The following MFN1 variants were observed in gnomAD, a reference collection of about 807,000 sequenced individuals.
MFN1 encodes the protein mitofusin 1.
Under a neutral mutation model 92.4 loss-of-function variants are expected in MFN1, and 65 were observed. That is an observed-to-expected ratio of 0.70 (90% CI 0.58 to 0.86). The LOEUF (loss-of-function observed/expected upper bound fraction) is 0.86. MFN1 is among the 40% of genes least tolerant of loss of function. The pLI is 0.00. For synonymous variants in MFN1, 297 were observed against 300.9 expected, an observed-to-expected ratio of 0.99 and a Z score of 0.13; for missense variants, 781 against 868.0, an observed-to-expected ratio of 0.90 and a Z score of 1.26.
intron 3 of MFN1, among the ~76,000 whole-genome samples, chr3:179,355,382 C>G (rs544233966): frequency 1.3e-5 from 2 of 152,174 alleles, no homozygotes; most frequent in Non-Finnish European, 2.9e-5. Context: ...TTTAACCAGC[C>G]CCTGTTCAAG....
At chr3:179,383,580 T>C (rs1713556295) in intron 14 of MFN1, among the ~76,000 whole-genome samples, 1 of 152,212 alleles carries the variant, frequency 6.6e-6, no homozygotes, top group African/African-American at 2.4e-5. Flanking sequence ...ATATGAACTT[T>C]AAAGTAGTTT....
intron 3 of MFN1, among the ~76,000 whole-genome samples, chr3:179,355,446 G>A (rs1490957257): frequency 6.6e-6 from 1 of 152,140 alleles, no homozygotes; most frequent in East Asian, 1.9e-4. Context: ...AGGAAATTGT[G>A]TGTGTTTAAT....
chr3:179,367,338 T>C, intron 7 of MFN1, 101 bp from the exon 8 acceptor site: 2 of 985,388 alleles, frequency 2.0e-6, no homozygotes, highest in Non-Finnish European at 2.8e-6. Context: ...TATGGTAACT[T>C]TTATTATATC....
intron 17 of MFN1, among the ~76,000 whole-genome samples, 193 bp downstream of exon 17, chr3:179,390,331 A>G (rs1713852955): frequency 6.6e-6 from 1 of 152,154 alleles, no homozygotes; most frequent in Non-Finnish European, 1.5e-5. Context: ...ATTTAATTCC[A>G]TGTGGTTTGC....
Position 179,378,391 on chromosome 3 carries a change from A to T in MFN1, c.1380A>T (p.Arg460=). Reference sequence around the variant, plus strand: ...GTATGGGAAGAAATTTGGCTGATCGATGCACCGATGAAGTAAACGCCTTAG... The same window carrying T: ...GTATGGGAAGAAATTTGGCTGATCGTTGCACCGATGAAGTAAACGCCTTAG... The part of the protein sequence containing the change: ...EDGMGRNLAD[R]CTDEVNALVL... Residue 460 remains arginine (R), a synonymous_variant, in exon 13 of 18, where the codon CGA becomes CGT. Transcript: ENST00000471841. 6.2e-7 allele frequency: 1 copy of T among 1,607,126 alleles called. No homozygotes were observed. Among genetic ancestry groups the T allele is most frequent in the Non-Finnish European group, 8.5e-7 (1 of 1,178,270 alleles).
In MFN1 at chr3:179,391,965, T is replaced by G. The variant is rs768096932; in HGVS notation, c.2148-16T>G. 3 of 1,539,682 alleles carry G rather than the reference T, an allele frequency of 1.9e-6. No homozygotes were observed. The South Asian group carries it at 3.4e-5, about 18-fold the overall frequency. ...CCTTTATAGTAATTAGATTGGTGTT[T>G]TATTTTTTTAATTAGAAATAAAGCT... On this transcript the variant is annotated splice_polypyrimidine_tract_variant and intron_variant, in intron 17 of 17. Coordinates refer to ENST00000471841, the MANE Select transcript of MFN1 (RefSeq NM_033540.3).
intron 15 of MFN1, among the ~76,000 whole-genome samples, 186 bp from the exon 16 acceptor site, chr3:179,386,242 CTCATT>C (rs1431411410): frequency 1.3e-5 from 2 of 152,168 alleles, no homozygotes; most frequent in Non-Finnish European, 2.9e-5. Flanking sequence ...AAAGCTCTCC[CTCATT>C]TGTGTGCTGA....
chr3:179,365,118 G>GA lies in MFN1; in HGVS notation c.651dup (p.His218ThrfsTer8). ...CTGTGGGGTTTTTTTTGTTTTTCAG[G>GA]AAAAACACTTTTTTCACAAGGTGAA... is the stretch of plus-strand genomic sequence containing the variant. On this transcript the variant is annotated frameshift_variant and splice_region_variant, in exon 7 of 18. Transcript: ENST00000471841. LOFTEE classifies it high-confidence loss of function. The GA allele has an allele frequency of 6.6e-7, 1 of 1,524,842 alleles. No homozygotes were observed. Among genetic ancestry groups the GA allele is most frequent in the Non-Finnish European group, 8.7e-7 (1 of 1,145,470 alleles). 94.5% of individuals were successfully genotyped at this position (1,524,842 alleles called of 1,614,324 possible).
Position 179,365,201 on chromosome 3 carries a change from A to G in MFN1, c.729A>G (p.Ala243=). ...TCAATAATCGTTGGGATGCCTCTGCATCAGAGCCAGAATATATGGAAGACG... is the reference window on the plus strand; with the variant it reads ...TCAATAATCGTTGGGATGCCTCTGCGTCAGAGCCAGAATATATGGAAGACG... The part of the protein sequence containing the change: ...FILNNRWDAS[A]SEPEYMEDVR... Residue 243 remains alanine (A), a synonymous_variant, in exon 7 of 18, where the codon GCA becomes GCG. Coordinates refer to ENST00000471841, the MANE Select transcript of MFN1 (RefSeq NM_033540.3). 1 of 1,550,566 alleles carries G rather than the reference A, an allele frequency of 6.4e-7. No individual in the cohort carries two copies. The highest frequency in any genetic ancestry group is 1.4e-5 in the African/African-American group (1 of 70,532).
intron 7 of MFN1, among the ~76,000 whole-genome samples, chr3:179,367,022 G>T (rs1486808804): frequency 6.6e-6 from 1 of 152,204 alleles, no homozygotes; most frequent in African/African-American, 2.4e-5. Flanking sequence ...CCACCTCCTG[G>T]GCTCAAGCGA....
At chr3:179,351,020 G>A (rs894462710) in intron 2 of MFN1, among the ~76,000 whole-genome samples, 1 of 152,078 alleles carries the variant, frequency 6.6e-6, no homozygotes, top group East Asian at 1.9e-4. Context: ...GTTCAGGCTG[G>A]TCATGAACTC....
intron 17 of MFN1, among the ~76,000 whole-genome samples, chr3:179,390,829 A>G (rs1043954922): frequency 2.0e-5 from 3 of 152,204 alleles, no homozygotes; most frequent in Admixed American, 2.0e-4. Context: ...TGCCTGTGTA[A>G]GAACAGCTTA....
chr3:179,380,811 T>A lies in MFN1; in HGVS notation c.1662+1997T>A, dbSNP rs148971246. ...TTTTGCCAGCACAAGGAGTTTAGGATGAAGGATGCCATATATGCCAGCACT... is the reference window on the plus strand; with the variant it reads ...TTTTGCCAGCACAAGGAGTTTAGGAAGAAGGATGCCATATATGCCAGCACT... On this transcript the variant is annotated intron_variant, in intron 14 of 17. Coordinates refer to ENST00000471841, the MANE Select transcript of MFN1 (RefSeq NM_033540.3). Among the ~76,000 whole-genome samples, 143 of 152,264 alleles carry A rather than the reference T, an allele frequency of 9.4e-4. 1 individual carries two copies. Among genetic ancestry groups the A allele is most frequent in the African/African-American group, 3.2e-3 (135 of 41,544 alleles).
At chr3:179,377,236 T>G (rs558314180) in intron 11 of MFN1, 68 bp downstream of exon 11, 88 of 1,546,636 alleles carry the variant, frequency 5.7e-5, no homozygotes, top group Non-Finnish European at 7.5e-5. Context: ...GCTAAAAATG[T>G]TATTCCTGTT....
intron 14 of MFN1, among the ~76,000 whole-genome samples, chr3:179,384,900 CTTTTTTTTTTTTTTT>C (rs35563595): frequency 7.1e-5 from 6 of 84,632 alleles, no homozygotes; most frequent in Non-Finnish European, 1.3e-4. Flanking sequence ...TTTTGAAGTC[CTTTTTTTTTTTTTTT>C]TTTTTTTTGA....
In MFN1 at chr3:179,377,888, C is replaced by T. The variant is rs1407132491; in HGVS notation, c.1329+440C>T. 2.0e-5 allele frequency among the ~76,000 whole-genome samples: 3 copies of T among 151,924 alleles called. No individual in the cohort carries two copies. In the East Asian group the frequency reaches 5.8e-4, roughly 29 times the overall value. On this transcript the variant is annotated intron_variant, in intron 12 of 17. Transcript: ENST00000471841. ...GACCAGCCTGACCAACATGGTGAAA[C>T]CCTGTCTACTAAAAATACAAAAAAA...
In MFN1 at chr3:179,385,702, T is replaced by C; in HGVS notation, c.1796T>C (p.Ile599Thr). Residue 599 changes from isoleucine to threonine, a missense_variant, in exon 15 of 18, where the codon ATC becomes ACC. Physicochemically the swap from Ile to Thr is moderately conservative, Grantham distance 89. Transcript: ENST00000471841. ...GTTACATCTAGAACTTCTATGGGCA[T>C]CATTATTGTTGGAGGAGTGGTAAGA... is the stretch of plus-strand genomic sequence containing the variant. ...ASVTSRTSMG[I>T]IIVGGVIWKT... The C allele has an allele frequency of 6.2e-7, 1 of 1,613,120 alleles. No homozygotes were observed. Among genetic ancestry groups the C allele is most frequent in the Non-Finnish European group, 8.5e-7 (1 of 1,179,768 alleles).
chr3:179,383,815 C>T (rs1713566628), intron 14 of MFN1, among the ~76,000 whole-genome samples: 1 of 152,120 alleles, frequency 6.6e-6, no homozygotes, highest in South Asian at 2.1e-4. Flanking sequence ...GAACTACAAA[C>T]CACTGCTCAT....
chr3:179,365,107 T>C lies in MFN1; in HGVS notation c.646-11T>C. The stretch of plus-strand genomic sequence containing the variant: ...TAGTGAATGTACTGTGGGGTTTTTT[T>C]TGTTTTTCAGGAAAAACACTTTTTT... On this transcript the variant is annotated splice_polypyrimidine_tract_variant and intron_variant, in intron 6 of 17. Coordinates refer to ENST00000471841, the MANE Select transcript of MFN1 (RefSeq NM_033540.3). 1 of 1,477,440 alleles carries C rather than the reference T, an allele frequency of 6.8e-7. No homozygotes were observed. The allele number at this position is 1,477,440 out of a possible 1,614,324, so 91.5% of individuals were successfully genotyped here.
Sources: allele counts gnomAD v4.1 joint callset (sites outside exome capture counted in the v4.1 genomes callset), GRCh38; gene constraint gnomAD v4.1.1; transcripts MANE v1.5; gene names NCBI Gene and HGNC (gene_info 2026-07-23, HGNC 2026-07-21).